The following SYTL5 variants were observed in gnomAD, a reference collection of about 807,000 sequenced individuals.
SYTL5 encodes the protein synaptotagmin-like protein 5.
SYTL5 carries 34 observed loss-of-function variants against 55.9 expected under a neutral mutation model. The observed-to-expected ratio is 0.61, with a 90% CI of 0.46 to 0.81. SYTL5 has a LOEUF of 0.81. Ranked by LOEUF, SYTL5 falls within the 30% of genes least tolerant of loss-of-function variation. The probability of loss-of-function intolerance (pLI) is 0.00; values close to 1 mark genes in which losing one functional copy is unlikely to be tolerated. For synonymous variants in SYTL5, 221 were observed against 188.7 expected (o/e 1.17, Z -1.40); for missense variants, 637 against 546.7 (o/e 1.17, Z -1.65).
chrX:37,992,872 G>A, the SYTL5 span, among the ~76,000 whole-genome samples: 1 of 111,962 alleles, frequency 8.9e-6, no homozygotes, highest in African/African-American at 3.2e-5. Flanking sequence ...CACAATCAGA[G>A]GTGGAGCTAT....
chrX:37,997,104 T>C, the SYTL5 span, among the ~76,000 whole-genome samples: 1 of 112,826 alleles, frequency 8.9e-6, no homozygotes, highest in African/African-American at 3.2e-5. Flanking sequence ...AATAATTAGC[T>C]GCTACCCCAT....
intron 1 of SYTL5, among the ~76,000 whole-genome samples, chrX:38,011,661 A>G (rs1326804236): frequency 9.2e-6 from 1 of 108,883 alleles, no homozygotes; most frequent in Non-Finnish European, 1.9e-5. Flanking sequence ...AGTATATTAT[A>G]TTGTTTTGCC....
intron 10 of SYTL5, among the ~76,000 whole-genome samples, chrX:38,104,532 G>A (rs1387287518): frequency 1.8e-5 from 2 of 111,968 alleles, no homozygotes; most frequent in Non-Finnish European, 3.8e-5. Context: ...AAATAATTAT[G>A]GAATTATTGG....
At chrX:38,074,140 T>C (rs1258662826) in intron 5 of SYTL5, among the ~76,000 whole-genome samples, 1 of 111,728 alleles carries the variant, frequency 9.0e-6, no homozygotes, top group East Asian at 2.8e-4. Context: ...AAATTCAGGC[T>C]TCCTTAAGAA....
At chrX:37,897,426 T>C in the SYTL5 span, among the ~76,000 whole-genome samples, 1 of 101,256 alleles carries the variant, frequency 9.9e-6, no homozygotes, top group Non-Finnish European at 2.0e-5. Context: ...GAGGTTGCAG[T>C]GAGCCGAGAT....
intron 3 of SYTL5, among the ~76,000 whole-genome samples, chrX:38,061,748 TA>T: frequency 9.0e-6 from 1 of 111,291 alleles, no homozygotes; most frequent in East Asian, 2.8e-4. Context: ...TTAAACTCTA[TA>T]AAAAACATGA....
chrX:37,902,943 G>A, the SYTL5 span, among the ~76,000 whole-genome samples: 5 of 112,002 alleles, frequency 4.5e-5, no homozygotes, highest in African/African-American at 6.5e-5. Flanking sequence ...AAAAACACAC[G>A]AAAAAATGCT....
chrX:37,976,881 G>A, the SYTL5 span, among the ~76,000 whole-genome samples: 4 of 108,889 alleles, frequency 3.7e-5, no homozygotes, highest in African/African-American at 1.3e-4. Flanking sequence ...CAGGAGAATC[G>A]CTTGAACCCA....
At chrX:38,088,654 C>T (rs1371128138) in intron 6 of SYTL5, among the ~76,000 whole-genome samples, 1 of 112,434 alleles carries the variant, frequency 8.9e-6, no homozygotes, top group Non-Finnish European at 1.9e-5. Context: ...AGCACATTTA[C>T]CAAATGTCAT....
chrX:38,106,265 C>T (rs112450801), intron 10 of SYTL5, among the ~76,000 whole-genome samples: 45 of 112,118 alleles, frequency 4.0e-4, no homozygotes, highest in Middle Eastern at 4.6e-3. Flanking sequence ...CAGAGATAGA[C>T]GAGAAGTGAG....
chrX:38,040,138 C>T (rs1935239665), intron 2 of SYTL5, among the ~76,000 whole-genome samples: 1 of 107,932 alleles, frequency 9.3e-6, no homozygotes, highest in Admixed American at 9.9e-5. Context: ...CGCACCACTG[C>T]ACTCCAACCT....
At chrX:37,923,202 A>G in the SYTL5 span, among the ~76,000 whole-genome samples, 8 of 112,283 alleles carry the variant, frequency 7.1e-5, no homozygotes, top group South Asian at 2.9e-3. Flanking sequence ...ATATCCTCAA[A>G]TCTTTCTTTT....
At chrX:37,921,111 C>T in the SYTL5 span, among the ~76,000 whole-genome samples, 2 of 111,411 alleles carry the variant, frequency 1.8e-5, no homozygotes, top group Non-Finnish European at 3.8e-5. Context: ...TTGACTGATT[C>T]TATTGTTTAA....
In SYTL5 at chrX:38,043,674, TATATATATATATATATAC is replaced by T. The variant is rs1422553037; in HGVS notation, c.119+9678_119+9695del. Reference sequence around the variant, plus strand: ...GTATGTATGTATGTATATATATATATATATATATATATATATACATATATATATACATATTTTCATATA... The same window carrying T: ...GTATGTATGTATGTATATATATATATATATATATATACATATTTTCATATA... On this transcript the variant is annotated intron_variant, in intron 2 of 16. Transcript: ENST00000297875. 1.0e-3 allele frequency among the ~76,000 whole-genome samples: 76 copies of T among 72,406 alleles called. 1 individual carries two copies. Among genetic ancestry groups the T allele is most frequent in the African/African-American group, 5.3e-3 (73 of 13,880 alleles). The allele number at this position is 72,406 out of a possible 115,157, so 62.9% of individuals were successfully genotyped here. A position where few individuals can be genotyped will look rare whatever the true frequency, so the allele number is the denominator to read the frequency against.
intron 10 of SYTL5, among the ~76,000 whole-genome samples, chrX:38,104,494 C>T (rs1380169297): frequency 8.9e-6 from 1 of 111,976 alleles, no homozygotes; most frequent in African/African-American, 3.2e-5. Flanking sequence ...TTAGGTCACT[C>T]ACTGGCTTTC....
chrX:37,907,321 T>A, the SYTL5 span, among the ~76,000 whole-genome samples: 196 of 112,187 alleles, frequency 1.7e-3, 1 homozygote, highest in African/African-American at 6.3e-3. Flanking sequence ...TAGTCCCCGA[T>A]CTTTCTTGAA....
the SYTL5 span, among the ~76,000 whole-genome samples, chrX:37,931,881 T>C: frequency 5.5e-5 from 6 of 109,409 alleles, no homozygotes; most frequent in African/African-American, 2.1e-4. Context: ...GGTTTTCTAG[T>C]CAGTGGCTAA....
chrX:37,894,601 T>C, the SYTL5 span, among the ~76,000 whole-genome samples: 1 of 111,903 alleles, frequency 8.9e-6, no homozygotes, highest in Non-Finnish European at 1.9e-5. Flanking sequence ...TTCTGATGGC[T>C]GATTTTATGT....
rs781341024 is a variant in SYTL5, at chrX:38,063,273, T to C, written c.330-8774T>C. 2.1e-4 allele frequency among the ~76,000 whole-genome samples: 24 copies of C among 111,658 alleles called. No individual in the cohort carries two copies. In the South Asian group the frequency reaches 8.4e-3, roughly 39 times the overall value. On this transcript the variant is annotated intron_variant, in intron 3 of 16. Transcript: ENST00000297875. ...AAGGGAAAGATTCATATTGGAGTAG[T>C]CCTACATTTACCCAAAGATTTCTTG...
Sources: allele counts gnomAD v4.1 joint callset (sites outside exome capture counted in the v4.1 genomes callset), GRCh38; gene constraint gnomAD v4.1.1; transcripts MANE v1.5; gene names NCBI Gene and HGNC (gene_info 2026-07-23, HGNC 2026-07-21).